The following BNC2 variants were observed in gnomAD, a reference collection of about 807,000 sequenced individuals.
BNC2 encodes basonuclin zinc finger protein 2.
A neutral mutation model predicts 76.3 loss-of-function variants in BNC2; 20 were observed. That is an observed-to-expected ratio of 0.26 (90% CI 0.18 to 0.38). The LOEUF is 0.38. Ranked by LOEUF, BNC2 falls within the 10% of genes least tolerant of loss-of-function variation. The probability of loss-of-function intolerance (pLI) is 1.00; values close to 1 mark genes in which losing one functional copy is unlikely to be tolerated. For missense variants in BNC2, 1,382 were observed against 1,399.8 expected, an observed-to-expected ratio of 0.99 and a Z score of 0.20; for synonymous variants, 582 against 514.8, an observed-to-expected ratio of 1.13 and a Z score of -1.77.
At chr9:16,626,951 G>T (rs569485641) in intron 3 of BNC2, among the ~76,000 whole-genome samples, 2 of 152,130 alleles carry the variant, frequency 1.3e-5, no homozygotes, top group African/African-American at 2.4e-5. Flanking sequence ...CAAACAGCAC[G>T]GGCATGTCTC....
chr9:16,528,757 C>T (rs779857866), intron 5 of BNC2, among the ~76,000 whole-genome samples: 6 of 152,102 alleles, frequency 3.9e-5, no homozygotes, highest in Non-Finnish European at 8.8e-5. Flanking sequence ...AAATAAGTGA[C>T]TAAATAAATT....
At chr9:16,805,437 C>T (rs1199233343) in intron 1 of BNC2, among the ~76,000 whole-genome samples, 1 of 152,082 alleles carries the variant, frequency 6.6e-6, no homozygotes, top group Admixed American at 6.5e-5. Context: ...AGTGATTCTC[C>T]TGTCTTAGCC....
intron 5 of BNC2, among the ~76,000 whole-genome samples, chr9:16,498,622 A>T (rs1427692432): frequency 1.3e-5 from 2 of 151,784 alleles, no homozygotes; most frequent in Non-Finnish European, 2.9e-5. Flanking sequence ...GAACTTACTC[A>T]TGTAACCAAA....
intron 3 of BNC2, among the ~76,000 whole-genome samples, chr9:16,654,667 G>A (rs1200980920): frequency 1.3e-5 from 2 of 151,886 alleles, no homozygotes; most frequent in Non-Finnish European, 2.9e-5. Flanking sequence ...ATTTGCTTTG[G>A]AACAATTTTA....
intron 1 of BNC2, among the ~76,000 whole-genome samples, chr9:16,779,436 C>T (rs1213619109): frequency 1.3e-5 from 2 of 152,034 alleles, no homozygotes; most frequent in African/African-American, 2.4e-5. Flanking sequence ...AACCCAACAA[C>T]ATATAAGCTT....
At chr9:16,824,292 C>T (rs1818404709) in intron 1 of BNC2, among the ~76,000 whole-genome samples, 1 of 152,102 alleles carries the variant, frequency 6.6e-6, no homozygotes, top group South Asian at 2.1e-4. Flanking sequence ...TGATACAACA[C>T]ACAAAGAAAC....
chr9:16,834,972 T>C (rs908443348), intron 1 of BNC2, among the ~76,000 whole-genome samples: 3 of 152,166 alleles, frequency 2.0e-5, no homozygotes, highest in African/African-American at 7.2e-5. Flanking sequence ...TTCACTGGGA[T>C]CCAGTCGGTC....
intron 3 of BNC2, among the ~76,000 whole-genome samples, chr9:16,618,872 C>T (rs1272037979): frequency 6.6e-6 from 1 of 152,106 alleles, no homozygotes; most frequent in Non-Finnish European, 1.5e-5. Flanking sequence ...GAAAAGGCGC[C>T]CTTCTAAAAC....
At chr9:16,621,181 G>T (rs1286074955) in intron 3 of BNC2, among the ~76,000 whole-genome samples, 1 of 152,170 alleles carries the variant, frequency 6.6e-6, no homozygotes, top group Non-Finnish European at 1.5e-5. Context: ...CTATCTTGAG[G>T]ATCTGGAGAG....
chr9:16,409,700 C>T lies in BNC2; in HGVS notation c.*9289G>A, dbSNP rs1275247502. 1 of 152,476 alleles carries T rather than the reference C, an allele frequency of 6.6e-6. No individual in the cohort carries two copies. The highest frequency in any genetic ancestry group is 1.5e-5 in the Non-Finnish European group (1 of 68,010). The allele number at this position is 152,476 out of a possible 1,614,324, so 9.4% of individuals were successfully genotyped here. A position where few individuals can be genotyped will look rare whatever the true frequency, so the allele number is the denominator to read the frequency against. On this transcript the variant is annotated 3_prime_UTR_variant, in exon 7 of 7. Transcript: ENST00000380672. ...ACAGCAAATTAAAAAATTTAATTAC[C>T]TTAGCCTACCAATAAAAACAAAAAG...
chr9:16,768,097 CT>C (rs943472471), intron 1 of BNC2, among the ~76,000 whole-genome samples: 19 of 151,818 alleles, frequency 1.3e-4, no homozygotes, highest in Non-Finnish European at 2.4e-4. Flanking sequence ...TCTCGAGTAG[CT>C]GGGATTATAG....
rs1394818163 is a variant in BNC2 at position 16,409,730 on chromosome 9, A to G, written c.*9259T>C. The G allele has an allele frequency of 6.6e-6, 1 of 152,624 alleles. No individual in the cohort carries two copies. The highest frequency in any genetic ancestry group is 1.5e-5 in the Non-Finnish European group (1 of 68,048). The allele number at this position is 152,624 out of a possible 1,614,324, so 9.5% of individuals were successfully genotyped here. A position where few individuals can be genotyped will look rare whatever the true frequency, so the allele number is the denominator to read the frequency against. On this transcript the variant is annotated 3_prime_UTR_variant, in exon 7 of 7. Coordinates refer to ENST00000380672, the MANE Select transcript of BNC2 (RefSeq NM_017637.6). Reference sequence around the variant, plus strand: ...CCTACCAATAAAAACAAAAAGCAAAACAGAACAAAACAAAAATAAAACCCT... The same window carrying G: ...CCTACCAATAAAAACAAAAAGCAAAGCAGAACAAAACAAAAATAAAACCCT...
chr9:16,738,427 A>C lies in BNC2; in HGVS notation c.62T>G (p.Leu21Arg), dbSNP rs1340951827. ...HSLNYKSEDR[L>R]SEQDWPAYFK... is the part of the protein sequence containing the mutation. ...ATATGCTGGCCAGTCTTGCTCACTA[A>C]GCCTGTCCTCTGATTTGTAATTAAG... is the stretch of plus-strand genomic sequence containing the variant. The change falls in exon 2 of 7, where the codon CTT (leucine) becomes CGT (arginine). Residue 21 changes from leucine (L) to arginine (R), a missense_variant. Coordinates refer to ENST00000380672, the MANE Select transcript of BNC2 (RefSeq NM_017637.6). 1 of 1,614,106 alleles carries C rather than the reference A, an allele frequency of 6.2e-7. No homozygotes were observed. The highest frequency in any genetic ancestry group is 1.7e-4 in the Middle Eastern group (1 of 6,060).
chr9:16,669,002 C>A (rs1052492849), intron 3 of BNC2, among the ~76,000 whole-genome samples: 1 of 152,098 alleles, frequency 6.6e-6, no homozygotes, highest in Non-Finnish European at 1.5e-5. Flanking sequence ...ACCCCACCCC[C>A]CTCAAGACAC....
intron 1 of BNC2, among the ~76,000 whole-genome samples, chr9:16,745,591 T>G (rs1324211681): frequency 6.6e-6 from 1 of 152,220 alleles, no homozygotes; most frequent in African/African-American, 2.4e-5. Context: ...TCTAAGTTCA[T>G]GATGCCTGGC....
chr9:16,736,375 CAAAT>C (rs1000299703), intron 2 of BNC2, among the ~76,000 whole-genome samples: 1 of 151,532 alleles, frequency 6.6e-6, no homozygotes, highest in African/African-American at 2.4e-5. Context: ...ACAAACCTAA[CAAAT>C]AAACTTAAAA....
intron 3 of BNC2, among the ~76,000 whole-genome samples, chr9:16,604,923 T>G (rs1820340847): frequency 6.6e-6 from 1 of 152,234 alleles, no homozygotes; most frequent in Admixed American, 6.5e-5. Flanking sequence ...GGTGTCAGTC[T>G]GTTTTTGTGT....
intron 5 of BNC2, among the ~76,000 whole-genome samples, chr9:16,511,249 A>T (rs1326195975): frequency 2.0e-5 from 3 of 151,022 alleles, no homozygotes; most frequent in Non-Finnish European, 4.4e-5. Flanking sequence ...AGGTGAGACT[A>T]CAGGCACCTG....
At chr9:16,637,940 G>C (rs922472512) in intron 3 of BNC2, among the ~76,000 whole-genome samples, 1 of 152,202 alleles carries the variant, frequency 6.6e-6, no homozygotes, top group African/African-American at 2.4e-5. Context: ...ATATATTTTG[G>C]AGGGAACATG....
Sources: gnomAD v4.1 joint callset for allele counts (sites outside exome capture counted in the v4.1 genomes callset) on GRCh38, gnomAD v4.1.1 for gene constraint, MANE v1.5 for transcripts, NCBI Gene and HGNC (gene_info 2026-07-23, HGNC 2026-07-21) for gene names.